Variants in RGS22 observed in about 807,000 individuals in gnomAD.
The protein encoded by RGS22 is regulator of G-protein signaling 22.
A neutral mutation model predicts 172.9 loss-of-function variants in RGS22; 148 were observed. The ratio of observed to expected loss-of-function variants is 0.86; its 90% CI spans 0.75 to 0.98. The LOEUF (loss-of-function observed/expected upper bound fraction) is 0.98. Ranked by LOEUF, RGS22 falls within the 50% of genes least tolerant of loss-of-function variation. The pLI is 0.00. For missense variants in RGS22, 1,347 were observed against 1,440.8 expected (o/e 0.93, Z 1.05); for synonymous variants, 458 against 480.2 (o/e 0.95, Z 0.60).
intron 23 of RGS22, among the ~76,000 whole-genome samples, chr8:99,966,094 T>C (rs1323587290): frequency 1.3e-5 from 2 of 152,214 alleles, no homozygotes. Flanking sequence ...TGACAGATAA[T>C]ATTTTAGAAA....
chr8:100,015,986 A>G (rs553393578), intron 14 of RGS22, among the ~76,000 whole-genome samples: 2 of 152,324 alleles, frequency 1.3e-5, no homozygotes, highest in South Asian at 4.1e-4. Context: ...ATAATTATTA[A>G]TAGTTTCATT....
At chr8:99,977,114 T>G (rs1812038892) in intron 23 of RGS22, among the ~76,000 whole-genome samples, 1 of 147,578 alleles carries the variant, frequency 6.8e-6, no homozygotes. Flanking sequence ...GTAATTTTTC[T>G]TTTTTTTTAG....
At chr8:100,019,148 G>A (rs926759600) in intron 14 of RGS22, among the ~76,000 whole-genome samples, 4 of 152,238 alleles carry the variant, frequency 2.6e-5, no homozygotes, top group African/African-American at 9.6e-5. Context: ...GGTGAGCACA[G>A]GCTTTGGGAA....
At chr8:100,003,198 G>T in intron 17 of RGS22, 1 of 183,086 alleles carries the variant, frequency 5.5e-6, no homozygotes, top group South Asian at 9.2e-5. Context: ...AATGCTTGAG[G>T]GAATGGATAC....
At chr8:100,021,950 C>T (rs544300697) in intron 14 of RGS22, among the ~76,000 whole-genome samples, 179 of 152,156 alleles carry the variant, frequency 1.2e-3, no homozygotes, top group Middle Eastern at 6.8e-3. Flanking sequence ...AGTTCATATG[C>T]GGCAGAAAAA....
intron 11 of RGS22, among the ~76,000 whole-genome samples, chr8:100,046,817 G>GT (rs1218040927): frequency 6.6e-6 from 1 of 151,010 alleles, no homozygotes; most frequent in Non-Finnish European, 1.5e-5. Flanking sequence ...ACCGTTTTTT[G>GT]TTTTTTTGTT....
chr8:100,058,181 A>ACAAC (rs200203444), intron 9 of RGS22, among the ~76,000 whole-genome samples: 2 of 148,752 alleles, frequency 1.3e-5, no homozygotes, highest in Non-Finnish European at 1.5e-5. Context: ...CAAAAAAAAA[A>ACAAC]AAAAACAACA....
At chr8:100,095,912 T>C (rs1812930466) in intron 2 of RGS22, among the ~76,000 whole-genome samples, 1 of 152,248 alleles carries the variant, frequency 6.6e-6, no homozygotes, top group Admixed American at 6.5e-5. Context: ...AGTTCCACAA[T>C]GGGAAATAAG....
At chr8:100,006,776 T>A (rs1157969897) in intron 15 of RGS22, among the ~76,000 whole-genome samples, 2 of 152,182 alleles carry the variant, frequency 1.3e-5, no homozygotes, top group Non-Finnish European at 2.9e-5. Flanking sequence ...ATCTTTTAGA[T>A]AAGTCCTCAT....
chr8:99,989,496 T>C (rs1006517831), intron 20 of RGS22, among the ~76,000 whole-genome samples: 5 of 152,228 alleles, frequency 3.3e-5, no homozygotes, highest in Admixed American at 3.3e-4. Context: ...AAAGTGCCCT[T>C]GTAAGGATGC....
At chr8:99,962,801 A>C in intron 25 of RGS22, 34 bp from the exon 26 acceptor site, 1 of 1,588,354 alleles carries the variant, frequency 6.3e-7, no homozygotes, top group Non-Finnish European at 8.5e-7. Context: ...GAAAAACAGT[A>C]AAGTAAATAT....
intron 7 of RGS22, among the ~76,000 whole-genome samples, chr8:100,065,051 A>C (rs958767854): frequency 1.3e-5 from 2 of 152,198 alleles, no homozygotes; most frequent in Non-Finnish European, 2.9e-5. Context: ...TCACATAGTA[A>C]ATCTGCGCCT....
chr8:99,969,762 A>C (rs1193614234), intron 23 of RGS22, among the ~76,000 whole-genome samples: 1 of 152,236 alleles, frequency 6.6e-6, no homozygotes, highest in Non-Finnish European at 1.5e-5. Flanking sequence ...AAAGAGACTT[A>C]GACTCCCATA....
intron 3 of RGS22, among the ~76,000 whole-genome samples, chr8:100,085,215 C>T (rs1812075978): frequency 1.3e-5 from 2 of 152,176 alleles, no homozygotes; most frequent in African/African-American, 4.8e-5. Flanking sequence ...AGTAAGATCA[C>T]TCAGCCCCAC....
chr8:100,103,191 T>C (rs752459890), intron 2 of RGS22, among the ~76,000 whole-genome samples: 4 of 152,136 alleles, frequency 2.6e-5, no homozygotes, highest in East Asian at 1.9e-4. Context: ...TAGGAAGTAA[T>C]CTAATACAAC....
At chr8:100,053,187 A>C (rs926650094) in intron 9 of RGS22, among the ~76,000 whole-genome samples, 4 of 152,198 alleles carry the variant, frequency 2.6e-5, no homozygotes, top group Non-Finnish European at 4.4e-5. Context: ...CTCATACAAA[A>C]AGGCAATATA....
At chr8:100,021,341 ATTGT>A (rs1817583039) in intron 14 of RGS22, among the ~76,000 whole-genome samples, 1 of 152,234 alleles carries the variant, frequency 6.6e-6, no homozygotes, top group Non-Finnish European at 1.5e-5. Context: ...TTTCTTTAAA[ATTGT>A]TTGTTTACAT....
intron 23 of RGS22, among the ~76,000 whole-genome samples, chr8:99,971,170 T>A (rs959755970): frequency 6.6e-6 from 1 of 152,160 alleles, no homozygotes. Flanking sequence ...CTTGATAAAA[T>A]TCAACACCTC....
At chr8:100,066,417 A>G in intron 6 of RGS22, 121 bp from the exon 7 acceptor site, 2 of 721,900 alleles carry the variant, frequency 2.8e-6, no homozygotes, top group Non-Finnish European at 4.3e-6. Context: ...AGTGAAAATT[A>G]TCTCATGAAG....
Sources: allele counts gnomAD v4.1 joint callset (sites outside exome capture counted in the v4.1 genomes callset), GRCh38; gene constraint gnomAD v4.1.1; transcripts MANE v1.5; gene names NCBI Gene and HGNC (gene_info 2026-07-23, HGNC 2026-07-21).